Variants in CABP5 observed in about 807,000 individuals in gnomAD.
The protein encoded by CABP5 is calcium binding protein 5, also known as calcium-binding protein 5.
A neutral mutation model predicts 21.9 loss-of-function variants in CABP5; 17 were observed. The ratio of observed to expected loss-of-function variants is 0.78; its 90% CI spans 0.53 to 1.17. The LOEUF is 1.17. CABP5 is among the 50% of genes most tolerant of loss of function. The pLI, the probability that CABP5 is intolerant of heterozygous loss-of-function variation, is 0.00. For synonymous variants in CABP5, 85 were observed against 79.4 expected (o/e 1.07, Z -0.37); for missense variants, 229 against 228.9 (o/e 1.00, Z 0.00).
At chr19:48,043,496 G>A (rs1260629025) in intron 1 of CABP5, among the ~76,000 whole-genome samples, 1 of 4,022 alleles carries the variant, frequency 2.5e-4, no homozygotes, top group African/African-American at 9.1e-4. Flanking sequence ...ATAAGTGGCA[G>A]CTATTGTTAT....
chr19:48,030,449 C>T lies in CABP5; in HGVS notation c.*108G>A. 1 of 1,150,890 alleles carries T rather than the reference C, an allele frequency of 8.7e-7. No homozygotes were observed. Among genetic ancestry groups the T allele is most frequent in the Non-Finnish European group, 1.3e-6 (1 of 791,644 alleles). 71.3% of individuals were successfully genotyped at this position (1,150,890 alleles called of 1,614,324 possible). On this transcript the variant is annotated 3_prime_UTR_variant, in exon 6 of 6. Coordinates refer to ENST00000293255, the MANE Select transcript of CABP5 (RefSeq NM_019855.5). ...ATGCCAATGCCCTCCCTCCCGCCTG[C>T]CCTCCCTCTCTGCTTTAAGGGGATC...
rs963206810 is a variant in CABP5 at position 48,031,266 on chromosome 19, G to A, written c.497-684C>T. On this transcript the variant is annotated intron_variant, in intron 5 of 5. Coordinates refer to ENST00000293255, the MANE Select transcript of CABP5 (RefSeq NM_019855.5). ...CATAAACAGCTATTGTTGGCCGGGC[G>A]CGGTGGCTCATAACTGTAATCCCAG... 3.9e-5 allele frequency among the ~76,000 whole-genome samples: 6 copies of A among 151,974 alleles called. No individual in the cohort carries two copies. The East Asian group carries it at 7.7e-4, about 20-fold the overall frequency.
chr19:48,036,851 C>T (rs146875592), intron 4 of CABP5, among the ~76,000 whole-genome samples: 7 of 152,262 alleles, frequency 4.6e-5, no homozygotes, highest in African/African-American at 1.7e-4. Flanking sequence ...TGCTCAGCAT[C>T]ACTAATCATT....
rs572310914 is a variant in CABP5, at chr19:48,037,758, A to G, written c.348+1450T>C. On this transcript the variant is annotated intron_variant, in intron 4 of 5. Transcript: ENST00000293255. ...TACACACTGGATTTCATAAGGCAGT[A>G]AGTTCTAAGTTCTTAGTAGGTGCTT... is the stretch of plus-strand genomic sequence containing the variant. Among the ~76,000 whole-genome samples, 108 of 152,330 alleles carry G rather than the reference A, an allele frequency of 7.1e-4. 1 individual carries two copies. The highest frequency in any genetic ancestry group is 5.3e-4 in the Non-Finnish European group (36 of 68,028).
chr19:48,042,677 C>T (rs1292627073), intron 1 of CABP5, among the ~76,000 whole-genome samples: 3 of 151,700 alleles, frequency 2.0e-5, no homozygotes, highest in East Asian at 1.9e-4. Flanking sequence ...CGGGTTCAAG[C>T]GATTCTCCTG....
chr19:48,041,655 C>T, intron 1 of CABP5, 52 bp from the exon 2 acceptor site: 1 of 1,551,908 alleles, frequency 6.4e-7, no homozygotes, highest in Non-Finnish European at 8.8e-7. Context: ...CACCCATTCT[C>T]CAAAGGGTCT....
At chr19:48,039,394 G>T in intron 3 of CABP5, 77 bp from the exon 4 acceptor site, 1 of 1,099,770 alleles carries the variant, frequency 9.1e-7, no homozygotes, top group Non-Finnish European at 1.4e-6. Flanking sequence ...CTTCGAGTCA[G>T]TTAGATCAGC....
At chr19:48,039,978 G>A (rs1967460491) in intron 3 of CABP5, among the ~76,000 whole-genome samples, 1 of 152,012 alleles carries the variant, frequency 6.6e-6, no homozygotes, top group Admixed American at 6.6e-5. Flanking sequence ...GCCTCCCAGA[G>A]TGCTGGAATT....
rs1894034467 is a variant in CABP5 at position 48,036,190 on chromosome 19, T to C, written c.349-1828A>G. Among the ~76,000 whole-genome samples the C allele has an allele frequency of 2.0e-5, 3 of 152,014 alleles. No individual in the cohort carries two copies. In the South Asian group the frequency reaches 6.2e-4, roughly 32 times the overall value. ...GGAGGCAGTTCATTAATTCAACACA[T>C]ATGTATCCATATTGCTAAAAAAAAA... On this transcript the variant is annotated intron_variant, in intron 4 of 5. Coordinates refer to ENST00000293255, the MANE Select transcript of CABP5 (RefSeq NM_019855.5).
chr19:48,032,228 G>A (rs956698850), intron 5 of CABP5, among the ~76,000 whole-genome samples: 1 of 152,130 alleles, frequency 6.6e-6, no homozygotes, highest in Non-Finnish European at 1.5e-5. Context: ...CACCAAGTTT[G>A]TGCCAGAACT....
intron 5 of CABP5, among the ~76,000 whole-genome samples, chr19:48,030,963 T>A (rs1967333036): frequency 6.6e-6 from 1 of 151,854 alleles, no homozygotes; most frequent in Non-Finnish European, 1.5e-5. Context: ...CCCCCAACTC[T>A]ACAAAAAAAT....
At chr19:48,043,010 C>T (rs1429672831) in intron 1 of CABP5, among the ~76,000 whole-genome samples, 18 of 152,076 alleles carry the variant, frequency 1.2e-4, no homozygotes, top group Admixed American at 1.0e-3. Context: ...CCGACCCTGC[C>T]ACTTACTTTT....
intron 1 of CABP5, among the ~76,000 whole-genome samples, chr19:48,042,239 C>G (rs1967490378): frequency 6.6e-6 from 1 of 152,160 alleles, no homozygotes; most frequent in African/African-American, 2.4e-5. Context: ...ACACTAGCCC[C>G]CATTCACTCC....
At chr19:48,032,403 C>T (rs1600121034) in intron 5 of CABP5, among the ~76,000 whole-genome samples, 1 of 150,386 alleles carries the variant, frequency 6.6e-6, no homozygotes, top group South Asian at 2.1e-4. Flanking sequence ...GGGGCGATCT[C>T]ACTGCAACCT....
intron 4 of CABP5, among the ~76,000 whole-genome samples, chr19:48,036,680 A>G (rs1214428935): frequency 1.3e-5 from 2 of 152,180 alleles, no homozygotes; most frequent in African/African-American, 2.4e-5. Context: ...CATCAATCTA[A>G]TAACTATGGG....
chr19:48,043,343 A>G (rs1967506160), intron 1 of CABP5, among the ~76,000 whole-genome samples: 1 of 151,178 alleles, frequency 6.6e-6, no homozygotes, highest in Non-Finnish European at 1.5e-5. Flanking sequence ...GCTTAAGGCA[A>G]ATGACTTCAT....
intron 1 of CABP5, among the ~76,000 whole-genome samples, chr19:48,042,185 G>A (rs577111364): frequency 1.3e-5 from 2 of 152,150 alleles, no homozygotes; most frequent in South Asian, 4.1e-4. Context: ...ACACAGTATT[G>A]GGATTTGAAT....
chr19:48,037,553 C>T (rs1452418850), intron 4 of CABP5, among the ~76,000 whole-genome samples: 1 of 152,014 alleles, frequency 6.6e-6, no homozygotes, highest in South Asian at 2.1e-4. Flanking sequence ...CAGGCATGAG[C>T]CACTGCACCT....
At chr19:48,033,014 CTTT>C (rs370570252) in intron 5 of CABP5, among the ~76,000 whole-genome samples, 4,098 of 123,226 alleles carry the variant, frequency 0.033, 55 homozygotes, top group African/African-American at 0.049. Context: ...ACTTGACATG[CTTT>C]TTTTTTTTTT....
Sources: allele counts gnomAD v4.1 joint callset (sites outside exome capture counted in the v4.1 genomes callset), GRCh38; gene constraint gnomAD v4.1.1; transcripts MANE v1.5; gene names NCBI Gene and HGNC (gene_info 2026-07-23, HGNC 2026-07-21).